Variants in CCND3 observed in about 807,000 individuals in gnomAD.
The protein encoded by CCND3 is G1/S-specific cyclin-D3.
Under a neutral mutation model 28.7 loss-of-function variants are expected in CCND3, and 9 were observed. The observed-to-expected ratio is 0.31, with a 90% CI of 0.19 to 0.55. CCND3 has a LOEUF of 0.55. CCND3 is among the 20% of genes least tolerant of loss of function. The probability of loss-of-function intolerance (pLI) is 0.93; values close to 1 mark genes in which losing one functional copy is unlikely to be tolerated. For synonymous variants in CCND3, 164 were observed against 163.9 expected (o/e 1.00, Z 0.00); for missense variants, 315 against 385.8 (o/e 0.82, Z 1.54).
chr6:41,964,289 T>C (rs1761795408), intron 1 of CCND3, among the ~76,000 whole-genome samples: 1 of 151,948 alleles, frequency 6.6e-6, no homozygotes, highest in Non-Finnish European at 1.5e-5. Context: ...TATGTGTGTG[T>C]GTGTGAGTAT....
rs143146758 is a variant in CCND3 at position 42,000,340 on chromosome 6, C to T, written c.-46+48161G>A. 1.6e-3 allele frequency among the ~76,000 whole-genome samples: 217 copies of T among 135,932 alleles called. 1 individual carries two copies. Among genetic ancestry groups the T allele is most frequent in the South Asian group, 0.01 (42 of 4,124 alleles). The allele number at this position is 135,932 out of a possible 152,430, so 89.2% of individuals were successfully genotyped here. A position where few individuals can be genotyped will look rare whatever the true frequency, so the allele number is the denominator to read the frequency against. On this transcript the variant is annotated intron_variant, in intron 1 of 4. Transcript: ENST00000372988. Reference sequence around the variant, plus strand: ...CTGCAAGCTCCGCCTCTCGGGTTCACGCCATTCTCCTGCCTCAGCCTCTCC... The same window carrying T: ...CTGCAAGCTCCGCCTCTCGGGTTCATGCCATTCTCCTGCCTCAGCCTCTCC...
intron 1 of CCND3, among the ~76,000 whole-genome samples, chr6:41,949,071 G>A (rs1299455594): frequency 2.0e-5 from 3 of 152,188 alleles, no homozygotes; most frequent in South Asian, 4.2e-4. Flanking sequence ...TTCTTAGATC[G>A]GGCATGATGG....
chr6:41,950,924 G>A (rs941494341), intron 1 of CCND3, among the ~76,000 whole-genome samples: 1 of 151,972 alleles, frequency 6.6e-6, no homozygotes, highest in African/African-American at 2.4e-5. Flanking sequence ...TAGCCAGGAT[G>A]GTCTTGATCT....
intron 1 of CCND3, among the ~76,000 whole-genome samples, chr6:42,007,803 T>G (rs1260418188): frequency 6.6e-6 from 1 of 152,200 alleles, no homozygotes; most frequent in African/African-American, 2.4e-5. Flanking sequence ...TTTTCTTTCT[T>G]TTTTGGAATG....
intron 1 of CCND3, among the ~76,000 whole-genome samples, chr6:42,041,484 G>A (rs116382789): frequency 0.013 from 1,909 of 152,352 alleles, 34 homozygotes; most frequent in African/African-American, 0.043. Context: ...CTGAGGGCTT[G>A]TAACCCCAGG....
rs959963188 is a variant in CCND3 at position 41,940,338 on chromosome 6, C to T, written c.414+32G>A. ...TTTCCTGGAAAGTGGGGAGACAATACGTGTCGGGGGTGGGGGGAGTTACAC... is the reference window on the plus strand; with the variant it reads ...TTTCCTGGAAAGTGGGGAGACAATATGTGTCGGGGGTGGGGGGAGTTACAC... On this transcript the variant is annotated intron_variant, in intron 2 of 4. Coordinates refer to ENST00000372991, the MANE Select transcript of CCND3 (RefSeq NM_001760.5). The T allele has an allele frequency of 9.1e-6, 14 of 1,546,894 alleles. No individual in the cohort carries two copies. In the African/African-American group the frequency reaches 1.5e-4, roughly 17 times the overall value.
At position 42,041,654 on chromosome 6, in the gene CCND3, C is replaced by A. The variant is rs1358982694; in HGVS notation, c.-46+6847G>T. 4.6e-5 allele frequency among the ~76,000 whole-genome samples: 7 copies of A among 152,302 alleles called. No homozygotes were observed. In the South Asian group the frequency reaches 1.4e-3, roughly 32 times the overall value. On this transcript the variant is annotated intron_variant, in intron 1 of 4. Transcript: ENST00000372988. ...AACAGCACTCCTCCCCTCTATAACC[C>A]AAAGACAGCTTTGTGATAGCCACTT...
At chr6:41,943,399 T>TA (rs66717417), upstream of CCND3, among the ~76,000 whole-genome samples, 28,019 of 152,118 alleles carry the variant, frequency 0.18, 3,244 homozygotes, top group East Asian at 0.27. Flanking sequence ...CTTTTTTCAT[T>TA]AAAAAAATAC....
chr6:41,975,145 C>A (rs572690778), intron 1 of CCND3, among the ~76,000 whole-genome samples: 1 of 152,164 alleles, frequency 6.6e-6, no homozygotes, highest in African/African-American at 2.4e-5. Context: ...GTACATTATA[C>A]TTTTCAAAGA....
chr6:41,959,213 C>T (rs1300499762), intron 1 of CCND3, among the ~76,000 whole-genome samples: 1 of 152,140 alleles, frequency 6.6e-6, no homozygotes, highest in East Asian at 1.9e-4. Context: ...ATTCGGGAGG[C>T]TGAGGCAGGA....
At chr6:42,021,687 G>A (rs1763717529) in intron 1 of CCND3, among the ~76,000 whole-genome samples, 2 of 152,150 alleles carry the variant, frequency 1.3e-5, no homozygotes, top group African/African-American at 2.4e-5. Context: ...AGGATAAAGG[G>A]CATTCCAGGA....
At chr6:41,953,831 C>A (rs373322879) in intron 1 of CCND3, among the ~76,000 whole-genome samples, 1 of 151,788 alleles carries the variant, frequency 6.6e-6, no homozygotes, top group Non-Finnish European at 1.5e-5. Flanking sequence ...CAGTGGGGCA[C>A]GGGAGGAAAA....
chr6:42,048,478 G>A lies in CCND3; in HGVS notation c.-46+23C>T, dbSNP rs2127443845. ...CTGAGCTGACATCCCATCTACCCCG[G>A]TTTCTCCAGCACCCAAGCCTACCTC... On this transcript the variant is annotated intron_variant, in intron 1 of 4. Coordinates refer to the CCND3 transcript ENST00000372988. This position sits in a 1 kb window ranked among gnomAD's most constrained non-coding sequence, Gnocchi z 4.7. 2.0e-6 allele frequency: 1 copy of A among 500,478 alleles called. No individual in the cohort carries two copies. Among genetic ancestry groups the A allele is most frequent in the East Asian group, 5.7e-5 (1 of 17,396 alleles). The allele number at this position is 500,478 out of a possible 1,614,324, so 31.0% of individuals were successfully genotyped here.
At chr6:42,036,399 ATATATTTTTTT>A (rs1764216556) in intron 1 of CCND3, among the ~76,000 whole-genome samples, 1 of 43,828 alleles carries the variant, frequency 2.3e-5, no homozygotes, top group African/African-American at 9.4e-5. Context: ...ATATATATAT[ATATATTTTTTT>A]TTTTTTTTTT....
upstream of CCND3, among the ~76,000 whole-genome samples, chr6:41,943,763 A>C (rs1190594235): frequency 6.6e-6 from 1 of 152,164 alleles, no homozygotes; most frequent in East Asian, 1.9e-4. Flanking sequence ...TTTCAAAACA[A>C]CTCTGCCAAC....
At chr6:42,000,448 T>C (rs1321402951) in intron 1 of CCND3, among the ~76,000 whole-genome samples, 7 of 151,024 alleles carry the variant, frequency 4.6e-5, no homozygotes, top group Admixed American at 2.6e-4. Flanking sequence ...CATCGTGGTC[T>C]CGATCTCCTG....
At chr6:41,973,568 T>C (rs1352939654) in intron 1 of CCND3, among the ~76,000 whole-genome samples, 2 of 152,218 alleles carry the variant, frequency 1.3e-5, no homozygotes, top group African/African-American at 4.8e-5. Context: ...GAGTAGTGGT[T>C]ATCACTGTAA....
intron 1 of CCND3, among the ~76,000 whole-genome samples, chr6:42,013,940 T>C (rs1763413465): frequency 1.3e-5 from 2 of 151,896 alleles, no homozygotes; most frequent in South Asian, 2.1e-4. Flanking sequence ...GGCGTGGTGG[T>C]GTGCGCCTGT....
chr6:42,015,691 C>A (rs1238187834), intron 1 of CCND3, among the ~76,000 whole-genome samples: 1 of 150,872 alleles, frequency 6.6e-6, no homozygotes, highest in Non-Finnish European at 1.5e-5. Context: ...GCCTGGGCAA[C>A]AAAGCAAGAC....
Sources: allele counts gnomAD v4.1 joint callset (sites outside exome capture counted in the v4.1 genomes callset), GRCh38; gene constraint gnomAD v4.1.1; non-coding constraint Gnocchi (gnomAD v3.1); transcripts MANE v1.5; gene names NCBI Gene and HGNC (gene_info 2026-07-23, HGNC 2026-07-21).